The following TMEM254 variants were observed in gnomAD, a reference collection of about 807,000 sequenced individuals.
The protein encoded by TMEM254 is transmembrane protein 254, also known as transmembrane protein C10orf57.
A neutral mutation model predicts 13.9 loss-of-function variants in TMEM254; 16 were observed. The observed-to-expected ratio is 1.15, with a 90% CI of 0.78 to 1.75. The LOEUF (loss-of-function observed/expected upper bound fraction) is 1.75, where lower values mean the gene tolerates loss of function less well. Among genes scored for constraint, TMEM254 ranks in the 40% most tolerant of loss-of-function variants. The probability of loss-of-function intolerance (pLI) is 0.00; values close to 1 mark genes in which losing one functional copy is unlikely to be tolerated. For missense variants in TMEM254, 155 were observed against 149.0 expected, an observed-to-expected ratio of 1.04 and a Z score of -0.21; for synonymous variants, 61 against 56.4, an observed-to-expected ratio of 1.08 and a Z score of -0.36.
At position 80,079,299 on chromosome 10, in the gene TMEM254, GT is replaced by G. The variant is rs919516227; in HGVS notation, c.87+515del. Reference sequence around the variant, plus strand: ...GCACGCGCATCTGACGGTTGTCTCGGTTACTCATGTAAGCGGAAATTCGGTG... The same window carrying G: ...GCACGCGCATCTGACGGTTGTCTCGGTACTCATGTAAGCGGAAATTCGGTG... On this transcript the variant is annotated intron_variant, in intron 1 of 3. Transcript: ENST00000372281. 48 of 1,205,150 alleles carry G rather than the reference GT, an allele frequency of 4.0e-5. No individual in the cohort carries two copies. The African/African-American group carries it at 7.2e-4, about 18-fold the overall frequency. 74.7% of individuals were successfully genotyped at this position (1,205,150 alleles called of 1,614,324 possible).
At chr10:80,080,837 T>C (rs1285810779) in intron 1 of TMEM254, among the ~76,000 whole-genome samples, 1 of 152,128 alleles carries the variant, frequency 6.6e-6, no homozygotes, top group Non-Finnish European at 1.5e-5. Flanking sequence ...CCCAGCACTT[T>C]GAGAAGCCGA....
chr10:80,088,584 A>G (rs1844424760), intron 3 of TMEM254, among the ~76,000 whole-genome samples: 1 of 151,522 alleles, frequency 6.6e-6, no homozygotes, highest in South Asian at 2.1e-4. Flanking sequence ...TTGTTGTTAC[A>G]TTAATTTCCA....
chr10:80,080,364 A>G (rs10430639), intron 1 of TMEM254, among the ~76,000 whole-genome samples: 66,898 of 152,144 alleles, frequency 0.44, 15,064 homozygotes, highest in East Asian at 0.71. Context: ...GTCTTAGCTG[A>G]CAGAAGTTAC....
At chr10:80,084,865 C>G (rs1029675424) in intron 3 of TMEM254, among the ~76,000 whole-genome samples, 1 of 151,908 alleles carries the variant, frequency 6.6e-6, no homozygotes, top group South Asian at 2.1e-4. Context: ...TTCGCTCTGT[C>G]GCCAGGCTGG....
intron 3 of TMEM254, among the ~76,000 whole-genome samples, chr10:80,083,252 C>A (rs1174357656): frequency 5.9e-5 from 9 of 151,772 alleles, no homozygotes; most frequent in Non-Finnish European, 1.2e-4. Context: ...TACAGAAGCC[C>A]ACCACCATGC....
At chr10:80,086,306 CG>C (rs1303119840) in intron 3 of TMEM254, 2 of 1,392,886 alleles carry the variant, frequency 1.4e-6, no homozygotes, top group South Asian at 1.6e-5. Flanking sequence ...AACCCTTCTC[CG>C]GGTTACCTAG....
Position 80,091,936 on chromosome 10 carries a change from AT to A in TMEM254, c.*1020del, listed in dbSNP as rs1334688211. 1 of 152,126 alleles carries A rather than the reference AT, an allele frequency of 6.6e-6. No individual in the cohort carries two copies. The highest frequency in any genetic ancestry group is 2.4e-5 in the African/African-American group (1 of 41,414). 9.4% of individuals were successfully genotyped at this position (152,126 alleles called of 1,614,324 possible). On this transcript the variant is annotated 3_prime_UTR_variant, in exon 4 of 4. Coordinates refer to ENST00000372281, the MANE Select transcript of TMEM254 (RefSeq NM_025125.4). The stretch of plus-strand genomic sequence containing the variant: ...TCTTTTTCATACCTTTCTATTCTCA[AT>A]CACTTCTCCAAAAGTGTGTCTTTCC...
chr10:80,081,104 TAGTC>T (rs1293825136), intron 1 of TMEM254, among the ~76,000 whole-genome samples: 10 of 144,268 alleles, frequency 6.9e-5, no homozygotes, highest in East Asian at 4.0e-4. Context: ...ATAAATAAAT[TAGTC>T]AGTCGTGGTA....
At chr10:80,090,768 G>T (rs369824129) in intron 3 of TMEM254, 29 bp from the exon 4 acceptor site, 1 of 1,600,366 alleles carries the variant, frequency 6.2e-7, no homozygotes, top group South Asian at 1.1e-5. Context: ...TTAACATCTC[G>T]TGTTTAAATT....
intron 1 of TMEM254, 191 bp downstream of exon 1, chr10:80,078,977 G>A: frequency 6.5e-7 from 1 of 1,540,114 alleles, no homozygotes; most frequent in African/African-American, 1.4e-5. Context: ...CCAGGGTCTT[G>A]GGCGGGCGCC....
At chr10:80,082,058 G>T in intron 2 of TMEM254, 87 bp from the exon 3 acceptor site, 1 of 1,575,130 alleles carries the variant, frequency 6.3e-7, no homozygotes, top group Non-Finnish European at 8.7e-7. Context: ...TCACCTTAAG[G>T]CACTTTTCTT....
In TMEM254 at chr10:80,091,083, T is replaced by C. The variant is rs1359552518; in HGVS notation, c.*166T>C. On this transcript the variant is annotated 3_prime_UTR_variant, in exon 4 of 4. Coordinates refer to ENST00000372281, the MANE Select transcript of TMEM254 (RefSeq NM_025125.4). ...AGTCAGTTTTTTCTCTTATATGCTC[T>C]GGTTGAGCTTGAATAGACCAGTTGT... 1 of 782,986 alleles carries C rather than the reference T, an allele frequency of 1.3e-6. No individual in the cohort carries two copies. Among genetic ancestry groups the C allele is most frequent in the Non-Finnish European group, 2.0e-6 (1 of 510,394 alleles). The allele number at this position is 782,986 out of a possible 1,614,324, so 48.5% of individuals were successfully genotyped here. A position where few individuals can be genotyped will look rare whatever the true frequency, so the allele number is the denominator to read the frequency against.
chr10:80,084,351 C>T (rs1233278924), intron 3 of TMEM254, among the ~76,000 whole-genome samples: 6 of 152,094 alleles, frequency 3.9e-5, no homozygotes, highest in East Asian at 3.9e-4. Context: ...AGATCACTTC[C>T]GTCCTTCAGG....
intron 1 of TMEM254, among the ~76,000 whole-genome samples, chr10:80,081,351 C>A (rs1844012418): frequency 6.6e-6 from 1 of 152,116 alleles, no homozygotes; most frequent in African/African-American, 2.4e-5. Context: ...CAGCATAAGT[C>A]TCCCAGTAGA....
intron 3 of TMEM254, among the ~76,000 whole-genome samples, chr10:80,087,191 C>T (rs1281589462): frequency 1.3e-5 from 2 of 152,062 alleles, no homozygotes; most frequent in East Asian, 3.9e-4. Context: ...TGTGCCTTAA[C>T]GTATTTAAAA....
chr10:80,085,137 A>T (rs1408976102), intron 3 of TMEM254, among the ~76,000 whole-genome samples: 1 of 152,074 alleles, frequency 6.6e-6, no homozygotes, highest in Non-Finnish European at 1.5e-5. Context: ...TTAATATACA[A>T]TTTTTTTGAA....
At chr10:80,079,433 CAAGTT>C (rs1843850294) in intron 1 of TMEM254, 1 of 1,083,624 alleles carries the variant, frequency 9.2e-7, no homozygotes, top group African/African-American at 1.7e-5. Flanking sequence ...AGCGGAAAGT[CAAGTT>C]AACAGACTGC....
intron 3 of TMEM254, among the ~76,000 whole-genome samples, chr10:80,086,886 C>T (rs1203603576): frequency 6.6e-6 from 1 of 151,924 alleles, no homozygotes; most frequent in African/African-American, 2.4e-5. Flanking sequence ...GTGGCTGATG[C>T]CTATAATCCA....
chr10:80,087,233 A>G (rs191674579), intron 3 of TMEM254, among the ~76,000 whole-genome samples: 33 of 152,308 alleles, frequency 2.2e-4, no homozygotes, highest in Admixed American at 3.9e-4. Context: ...TTAAGTCTCT[A>G]CTTTTTTACT....
Sources: gnomAD v4.1 joint callset for allele counts (sites outside exome capture counted in the v4.1 genomes callset) on GRCh38, gnomAD v4.1.1 for gene constraint, MANE v1.5 for transcripts, NCBI Gene and HGNC (gene_info 2026-07-23, HGNC 2026-07-21) for gene names.